Variants in OLA1 observed in about 807,000 individuals in gnomAD.
OLA1 encodes the protein obg-like ATPase 1.
In OLA1, 14 loss-of-function variants were observed where a neutral mutation model predicts 48.4. The observed-to-expected ratio is 0.29, with a 90% CI of 0.19 to 0.45. The LOEUF is 0.45. OLA1 is among the 20% of genes least tolerant of loss of function. The pLI is 1.00. For synonymous variants in OLA1, 127 were observed against 150.4 expected, an observed-to-expected ratio of 0.84 and a Z score of 1.14; for missense variants, 325 against 467.1, an observed-to-expected ratio of 0.70 and a Z score of 2.80.
intron 1 of OLA1, chr2:174,247,949 C>A: frequency 1.3e-6 from 1 of 766,408 alleles, no homozygotes. Context: ...TAAAACTGTC[C>A]CAGTCTTCTG....
intron 7 of OLA1, among the ~76,000 whole-genome samples, chr2:174,104,059 T>C (rs781546267): frequency 1.4e-4 from 22 of 152,166 alleles, no homozygotes; most frequent in Admixed American, 3.3e-4. Context: ...AGAGACTACT[T>C]TCCCTGATGA....
At chr2:174,084,147 T>TAG (rs1167050601) in intron 7 of OLA1, among the ~76,000 whole-genome samples, 1 of 152,206 alleles carries the variant, frequency 6.6e-6, no homozygotes, top group East Asian at 1.9e-4. Context: ...CCTGACAGTG[T>TAG]AGAGCATCAC....
chr2:174,184,704 G>T (rs1687614290), intron 4 of OLA1, among the ~76,000 whole-genome samples: 1 of 152,178 alleles, frequency 6.6e-6, no homozygotes, highest in Non-Finnish European at 1.5e-5. Context: ...AATTGAAACT[G>T]AGTGAGGGGT....
At chr2:174,157,098 A>C (rs1335463290) in intron 4 of OLA1, among the ~76,000 whole-genome samples, 1 of 152,174 alleles carries the variant, frequency 6.6e-6, no homozygotes, top group East Asian at 1.9e-4. Flanking sequence ...TAACAAACTG[A>C]GAAGAAATAA....
chr2:174,091,714 C>T (rs1023053992), intron 7 of OLA1, among the ~76,000 whole-genome samples: 4 of 151,418 alleles, frequency 2.6e-5, no homozygotes, highest in Admixed American at 6.6e-5. Context: ...GGTGAAACAC[C>T]ATCTCTACTA....
intron 2 of OLA1, among the ~76,000 whole-genome samples, chr2:174,232,615 C>T (rs1400892598): frequency 1.3e-5 from 2 of 152,090 alleles, no homozygotes; most frequent in Non-Finnish European, 2.9e-5. Context: ...TGAAAAGATG[C>T]TCAACCACTA....
chr2:174,129,225 G>A (rs994101807), intron 5 of OLA1, among the ~76,000 whole-genome samples: 5 of 152,096 alleles, frequency 3.3e-5, no homozygotes, highest in Non-Finnish European at 5.9e-5. Context: ...TTGGGAGGCC[G>A]AGGCAGGCGG....
chr2:174,178,216 AG>A (rs1288277257), intron 4 of OLA1, among the ~76,000 whole-genome samples: 2 of 152,038 alleles, frequency 1.3e-5, no homozygotes. Flanking sequence ...TATAGGTATT[AG>A]CCAAATACAG....
At chr2:174,211,415 A>G (rs1451938054) in intron 4 of OLA1, among the ~76,000 whole-genome samples, 1 of 152,232 alleles carries the variant, frequency 6.6e-6, no homozygotes, top group Non-Finnish European at 1.5e-5. Context: ...CTTAAAAAAC[A>G]AACATTTTAG....
At chr2:174,108,020 A>C (rs182679801) in intron 7 of OLA1, among the ~76,000 whole-genome samples, 260 of 152,238 alleles carry the variant, frequency 1.7e-3, no homozygotes, top group African/African-American at 5.9e-3. Context: ...ATCTCTTTTC[A>C]AAATTTCTAC....
chr2:174,119,507 T>C (rs981780009), intron 7 of OLA1, among the ~76,000 whole-genome samples: 1 of 152,098 alleles, frequency 6.6e-6, no homozygotes, highest in Non-Finnish European at 1.5e-5. Context: ...GTCAAAAATA[T>C]ACACACTTCC....
At chr2:174,113,345 T>C (rs532188691) in intron 7 of OLA1, among the ~76,000 whole-genome samples, 112 of 152,278 alleles carry the variant, frequency 7.4e-4, no homozygotes, top group African/African-American at 2.6e-3. Context: ...TACAGGTATG[T>C]TTTTGGGGGG....
Position 174,074,480 on chromosome 2 carries a change from AAAGT to A in OLA1, c.*942_*945del, listed in dbSNP as rs1684679891. On this transcript the variant is annotated 3_prime_UTR_variant, in exon 11 of 11. Coordinates refer to ENST00000284719, the MANE Select transcript of OLA1 (RefSeq NM_013341.5). ...ACTTCGACTGCTCTCAAATATCTGA[AAAGT>A]AAGAATGAAAGAATTTTTAAAATTT... The A allele has an allele frequency of 6.6e-6, 1 of 152,308 alleles. No individual in the cohort carries two copies. The highest frequency in any genetic ancestry group is 2.4e-5 in the African/African-American group (1 of 41,568). 9.4% of individuals were successfully genotyped at this position (152,308 alleles called of 1,614,324 possible).
chr2:174,167,269 A>C (rs865892361), intron 4 of OLA1, among the ~76,000 whole-genome samples: 3 of 152,388 alleles, frequency 2.0e-5, no homozygotes, highest in South Asian at 4.1e-4. Flanking sequence ...AAGTAAATTC[A>C]GAATTTATAG....
At chr2:174,217,417 T>G (rs1440750207) in intron 4 of OLA1, among the ~76,000 whole-genome samples, 1 of 151,524 alleles carries the variant, frequency 6.6e-6, no homozygotes, top group Non-Finnish European at 1.5e-5. Context: ...CTAATTATTA[T>G]CTAAAAATAT....
intron 10 of OLA1, 33 bp downstream of exon 10, chr2:174,078,934 AT>A: frequency 6.3e-7 from 1 of 1,583,994 alleles, no homozygotes; most frequent in East Asian, 2.3e-5. Context: ...CAGTGGAAAC[AT>A]TGTGAAATAC....
intron 4 of OLA1, among the ~76,000 whole-genome samples, chr2:174,193,326 G>T (rs1010386123): frequency 6.6e-6 from 1 of 152,116 alleles, no homozygotes; most frequent in Non-Finnish European, 1.5e-5. Flanking sequence ...CTGACCTCAG[G>T]TGATCCACCC....
chr2:174,223,253 C>T, intron 3 of OLA1, 93 bp from the exon 4 acceptor site: 1 of 1,260,206 alleles, frequency 7.9e-7, no homozygotes, highest in Non-Finnish European at 1.1e-6. Context: ...TAAATTCTTT[C>T]CTTTCTAGAA....
chr2:174,233,449 C>A (rs918705302), intron 2 of OLA1, among the ~76,000 whole-genome samples: 2 of 152,258 alleles, frequency 1.3e-5, no homozygotes, highest in Non-Finnish European at 2.9e-5. Context: ...TCTCGGCTTA[C>A]TGCAACCTCC....
Sources: gnomAD v4.1 joint callset for allele counts (sites outside exome capture counted in the v4.1 genomes callset) on GRCh38, gnomAD v4.1.1 for gene constraint, MANE v1.5 for transcripts, NCBI Gene and HGNC (gene_info 2026-07-23, HGNC 2026-07-21) for gene names.